Variants in VIPAS39 observed in about 807,000 individuals in gnomAD.
VIPAS39 encodes the protein spermatogenesis-defective protein 39 homolog.
VIPAS39 carries 63 observed loss-of-function variants against 84.7 expected under a neutral mutation model. That is an observed-to-expected ratio of 0.74 (90% confidence interval 0.61 to 0.92). The LOEUF (loss-of-function observed/expected upper bound fraction) is 0.92, where lower values mean the gene tolerates loss of function less well. Ranked by LOEUF, VIPAS39 falls within the 40% of genes least tolerant of loss-of-function variation. The probability of loss-of-function intolerance (pLI) is 0.00; values close to 1 mark genes in which losing one functional copy is unlikely to be tolerated. For missense variants in VIPAS39, 499 were observed against 604.5 expected, an observed-to-expected ratio of 0.83 and a Z score of 1.83; for synonymous variants, 192 against 216.5, an observed-to-expected ratio of 0.89 and a Z score of 0.99.
chr14:77,446,496 T>C (rs1340146373), intron 7 of VIPAS39, among the ~76,000 whole-genome samples: 1 of 152,146 alleles, frequency 6.6e-6, no homozygotes, highest in East Asian at 1.9e-4. Context: ...CCATTAATTA[T>C]TATGATCATT....
chr14:77,444,871 C>T (rs570124913), intron 7 of VIPAS39, among the ~76,000 whole-genome samples: 2 of 152,028 alleles, frequency 1.3e-5, no homozygotes, highest in South Asian at 2.1e-4. Flanking sequence ...CATGAGCCAC[C>T]GCGCCCAGCC....
chr14:77,429,208 C>T (rs1255119425), intron 17 of VIPAS39, 113 bp from the exon 18 acceptor site: 1 of 890,024 alleles, frequency 1.1e-6, no homozygotes, highest in Non-Finnish European at 1.8e-6. Flanking sequence ...GCTAATGTTT[C>T]CAGTTTCCAT....
intron 1 of VIPAS39, among the ~76,000 whole-genome samples, chr14:77,454,511 C>T (rs1195112790): frequency 2.6e-5 from 4 of 151,994 alleles, no homozygotes; most frequent in Admixed American, 2.0e-4. Flanking sequence ...CCCGTCTCTA[C>T]TAAAAATACA....
At position 77,453,356 on chromosome 14, in the gene VIPAS39, C is replaced by A. The variant is rs767477481; in HGVS notation, c.139G>T (p.Asp47Tyr). The A allele has an allele frequency of 6.2e-7, 1 of 1,614,102 alleles. No homozygotes were observed. Among genetic ancestry groups the A allele is most frequent in the Non-Finnish European group, 8.5e-7 (1 of 1,180,016 alleles). The change falls in exon 3 of 20, where the codon GAT becomes TAT. Residue 47 changes from aspartate (D) to tyrosine (Y), a missense_variant. Physicochemically the swap from Asp to Tyr is radical, Grantham distance 160. Coordinates refer to ENST00000557658, the MANE Select transcript of VIPAS39 (RefSeq NM_001193315.2). ...TCCAGGTCATCATCGTCATCATCAT[C>A]CACGAAGTCTCGGAGGCTGTTCACC... is the stretch of plus-strand genomic sequence containing the variant. ...RAVNSLRDFV[D>Y]DDDDDDLERV...
intron 13 of VIPAS39, 145 bp from the exon 14 acceptor site, chr14:77,435,538 A>G (rs1433556827): frequency 3.4e-6 from 4 of 1,168,046 alleles, no homozygotes; most frequent in Non-Finnish European, 4.7e-6. Flanking sequence ...ATTGCCTAGG[A>G]TATCCCCAGA....
chr14:77,439,689 C>T (rs1332297021), intron 11 of VIPAS39, among the ~76,000 whole-genome samples: 1 of 151,738 alleles, frequency 6.6e-6, no homozygotes, highest in Non-Finnish European at 1.5e-5. Context: ...TACTTGGGAG[C>T]CTAAGGCTTG....
intron 12 of VIPAS39, among the ~76,000 whole-genome samples, chr14:77,436,590 G>A (rs12435676): frequency 0.12 from 17,518 of 152,038 alleles, 1,051 homozygotes; most frequent in African/African-American, 0.12. Flanking sequence ...GACTACAGGC[G>A]TATGCTGCCA....
intron 5 of VIPAS39, 120 bp from the exon 6 acceptor site, chr14:77,449,477 G>A: frequency 2.2e-6 from 3 of 1,346,986 alleles, no homozygotes; most frequent in Non-Finnish European, 3.2e-6. Flanking sequence ...TAACTTTATG[G>A]CCAAAAGCAG....
At position 77,434,274 on chromosome 14, in the gene VIPAS39, C is replaced by T; in HGVS notation, c.1077G>A (p.Lys359=). ...EGTFSSPVNL[K]KTFKIPDKQY... ...AATTTGTATCTACCTTAAATGTCTT[C>T]TTCAGGTTGACGGGACTGCTGAATG... is the stretch of plus-strand genomic sequence containing the variant. The change falls in exon 15 of 20, where the codon AAG becomes AAA. Residue 359 remains lysine, a synonymous_variant. Transcript: ENST00000557658. The T allele has an allele frequency of 3.7e-6, 6 of 1,614,142 alleles. No homozygotes were observed. Among genetic ancestry groups the T allele is most frequent in the Non-Finnish European group, 5.1e-6 (6 of 1,180,012 alleles).
At chr14:77,454,593 G>C (rs111694782) in intron 1 of VIPAS39, among the ~76,000 whole-genome samples, 16 of 149,178 alleles carry the variant, frequency 1.1e-4, no homozygotes, top group African/African-American at 3.7e-4. Flanking sequence ...AGAATCGCTT[G>C]AACCCAGGAG....
At chr14:77,432,127 T>G (rs1392781803) in intron 16 of VIPAS39, among the ~76,000 whole-genome samples, 2 of 152,180 alleles carry the variant, frequency 1.3e-5, no homozygotes, top group Non-Finnish European at 1.5e-5. Context: ...CACAAAAAAA[T>G]AATTTGAGAT....
intron 1 of VIPAS39, chr14:77,456,962 T>C: frequency 1.6e-6 from 1 of 616,952 alleles, no homozygotes; most frequent in African/African-American, 1.9e-5. Flanking sequence ...TTATCGTCTC[T>C]TGTTTACTGA....
Position 77,454,000 on chromosome 14 carries a change from G to A in VIPAS39, c.93+10C>T, listed in dbSNP as rs2078922709. On this transcript the variant is annotated intron_variant, in intron 2 of 19. Coordinates refer to ENST00000557658, the MANE Select transcript of VIPAS39 (RefSeq NM_001193315.2). ...GTGGAGAAGAGTACAAACTTCAGCA[G>A]TTGACCTACCTGTGAAAGCTCATCG... The A allele has an allele frequency of 6.2e-7, 1 of 1,613,994 alleles. No homozygotes were observed. Among genetic ancestry groups the A allele is most frequent in the Non-Finnish European group, 8.5e-7 (1 of 1,179,892 alleles).
chr14:77,428,515 C>T lies in VIPAS39; in HGVS notation c.1357-41G>A, dbSNP rs186485228. ...AACAATACAAACCTCCAATCAGCCT[C>T]TGTACAGGGTTCTTTTTGCCCAGGA... On this transcript the variant is annotated intron_variant, in intron 18 of 19. Transcript: ENST00000557658. 1.7e-3 allele frequency: 2,737 copies of T among 1,588,320 alleles called. 6 individuals carry two copies. Among genetic ancestry groups the T allele is most frequent in the Non-Finnish European group, 1.9e-3 (2,186 of 1,158,846 alleles).
chr14:77,436,741 C>T (rs945182842), intron 12 of VIPAS39, among the ~76,000 whole-genome samples: 2 of 152,168 alleles, frequency 1.3e-5, no homozygotes, highest in South Asian at 4.1e-4. Flanking sequence ...CTGCGCCCGG[C>T]CACATTATTG....
intron 5 of VIPAS39, 122 bp from the exon 6 acceptor site, chr14:77,449,479 C>T (rs2078848871): frequency 1.5e-6 from 2 of 1,344,776 alleles, no homozygotes; most frequent in Non-Finnish European, 2.1e-6. Flanking sequence ...ACTTTATGGC[C>T]AAAAGCAGAT....
intron 16 of VIPAS39, among the ~76,000 whole-genome samples, chr14:77,431,991 G>T (rs1422460258): frequency 6.6e-6 from 1 of 152,078 alleles, no homozygotes; most frequent in East Asian, 1.9e-4. Context: ...TGGAACTATG[G>T]TATATATATA....
intron 7 of VIPAS39, among the ~76,000 whole-genome samples, chr14:77,444,981 C>T (rs1473962830): frequency 4.1e-5 from 6 of 147,896 alleles, no homozygotes; most frequent in South Asian, 2.1e-4. Context: ...TTTTTTGAGA[C>T]GGAGTCTCGC....
rs1226604741 is a variant in VIPAS39 at position 77,429,550 on chromosome 14, C to A, written c.1266+131G>T. ...CTCCCTGGCCTTTTCTGTCTTGAGGCCTATTGCAGCCATTGTGCTGCCTTT... is the reference window on the plus strand; with the variant it reads ...CTCCCTGGCCTTTTCTGTCTTGAGGACTATTGCAGCCATTGTGCTGCCTTT... On this transcript the variant is annotated intron_variant, in intron 17 of 19. Transcript: ENST00000557658. The A allele has an allele frequency of 3.2e-6, 3 of 923,280 alleles. No homozygotes were observed. The South Asian group carries it at 3.9e-5, about 12-fold the overall frequency. 57.2% of individuals were successfully genotyped at this position (923,280 alleles called of 1,614,324 possible).
Sources: gnomAD v4.1 joint callset for allele counts (sites outside exome capture counted in the v4.1 genomes callset) on GRCh38, gnomAD v4.1.1 for gene constraint, MANE v1.5 for transcripts, NCBI Gene and HGNC (gene_info 2026-07-23, HGNC 2026-07-21) for gene names.